The following SLC39A8 variants were observed in gnomAD, a reference collection of about 807,000 sequenced individuals.
SLC39A8 encodes solute carrier family 39 member 8, also known as metal cation symporter ZIP8.
In SLC39A8, 15 loss-of-function variants were observed where a neutral mutation model predicts 40.4. The observed-to-expected ratio is 0.37, with a 90% CI of 0.25 to 0.57. SLC39A8 has a LOEUF of 0.57. Ranked by LOEUF, SLC39A8 falls within the 20% of genes least tolerant of loss-of-function variation. SLC39A8 has a pLI of 0.75. For synonymous variants in SLC39A8, 223 were observed against 221.6 expected (o/e 1.01, Z -0.06); for missense variants, 472 against 558.8 (o/e 0.84, Z 1.57).
chr4:102,321,342 G>A (rs899905263), intron 2 of SLC39A8, among the ~76,000 whole-genome samples: 1 of 152,104 alleles, frequency 6.6e-6, no homozygotes, highest in Non-Finnish European at 1.5e-5. Context: ...TAAAAGGGAG[G>A]GTCCTCGGAG....
At chr4:102,310,446 G>A (rs1560553939) in intron 3 of SLC39A8, among the ~76,000 whole-genome samples, 1 of 152,104 alleles carries the variant, frequency 6.6e-6, no homozygotes, top group South Asian at 2.1e-4. Flanking sequence ...AATTGTCCAC[G>A]AAAAAGCACA....
rs568801358 is a variant in SLC39A8, at chr4:102,293,524, G to A, written c.840+10793C>T. Among the ~76,000 whole-genome samples, 4 of 152,106 alleles carry A rather than the reference G, an allele frequency of 2.6e-5. No individual in the cohort carries two copies. The East Asian group carries it at 7.7e-4, about 29-fold the overall frequency. On this transcript the variant is annotated intron_variant, in intron 6 of 8. Transcript: ENST00000356736. Reference sequence around the variant, plus strand: ...AATACTGGGAGAATTCAGCACTACTGCAGGACGCAAAACCAGTGTACTAAA... The same window carrying A: ...AATACTGGGAGAATTCAGCACTACTACAGGACGCAAAACCAGTGTACTAAA...
intron 3 of SLC39A8, among the ~76,000 whole-genome samples, chr4:102,312,515 G>A (rs62327955): frequency 1.8e-4 from 28 of 152,038 alleles, no homozygotes; most frequent in African/African-American, 2.4e-5. Context: ...GTCAACTGGG[G>A]TTTAAAAATT....
Position 102,315,824 on chromosome 4 carries a change from T to A in SLC39A8, c.226A>T (p.Thr76Ser). The A allele has an allele frequency of 6.2e-7, 1 of 1,607,204 alleles. No individual in the cohort carries two copies. Among genetic ancestry groups the A allele is most frequent in the Non-Finnish European group, 8.5e-7 (1 of 1,177,466 alleles). Residue 76 changes from threonine (T) to serine (S), a missense_variant, in exon 3 of 9, where the codon ACT becomes TCT. This residue lies in a region of SLC39A8 where 175 missense variants were observed against 160.5 expected (regional missense o/e 1.09). Transcript: ENST00000356736. ...TGAAGGGAAAAGATCTCTTCAGCAG[T>A]TAAACACTGAAATAGAATAAACAAA... ...PGQLHFNQCL[T>S]AEEIFSLHGF...
intron 2 of SLC39A8, among the ~76,000 whole-genome samples, chr4:102,335,699 A>G (rs1735636776): frequency 6.6e-6 from 1 of 152,152 alleles, no homozygotes. Context: ...GAAGTACTCA[A>G]ATTATTTTAT....
At chr4:102,277,772 T>A (rs233829) in intron 6 of SLC39A8, among the ~76,000 whole-genome samples, 3 of 151,990 alleles carry the variant, frequency 2.0e-5, no homozygotes, top group African/African-American at 7.3e-5. Flanking sequence ...AGCATAGTAC[T>A]GGTACCAAAA....
intron 8 of SLC39A8, among the ~76,000 whole-genome samples, chr4:102,265,624 T>C (rs1480403837): frequency 1.3e-5 from 2 of 152,138 alleles, no homozygotes; most frequent in Admixed American, 1.3e-4. Context: ...ATCAAAGCAA[T>C]GTGCAATAAA....
intron 6 of SLC39A8, among the ~76,000 whole-genome samples, chr4:102,288,974 T>C (rs1733304189): frequency 6.6e-6 from 1 of 152,156 alleles, no homozygotes; most frequent in Non-Finnish European, 1.5e-5. Flanking sequence ...CACCAAATTT[T>C]CAATGTTGGT....
downstream of SLC39A8, among the ~76,000 whole-genome samples, chr4:102,259,088 G>T (rs886432989): frequency 6.6e-6 from 1 of 152,140 alleles, no homozygotes; most frequent in South Asian, 2.1e-4. Context: ...GACACCACCC[G>T]CAGTGTCTGT....
intron 6 of SLC39A8, among the ~76,000 whole-genome samples, chr4:102,275,281 AAAAAACAAAAAC>A (rs61708966): frequency 6.7e-5 from 10 of 149,828 alleles, no homozygotes; most frequent in South Asian, 2.1e-4. Flanking sequence ...TGGAAAGCAA[AAAAAACAAAAAC>A]AAAAACAAAA....
At chr4:102,266,021 G>C (rs1430876735) in intron 8 of SLC39A8, among the ~76,000 whole-genome samples, 1 of 152,098 alleles carries the variant, frequency 6.6e-6, no homozygotes, top group African/African-American at 2.4e-5. Context: ...GCTAATCCTA[G>C]TTTATTCTAG....
intron 4 of SLC39A8, 75 bp downstream of exon 4, chr4:102,307,361 G>C: frequency 6.6e-7 from 1 of 1,523,130 alleles, no homozygotes; most frequent in Non-Finnish European, 9.0e-7. Flanking sequence ...GAATTATGGA[G>C]GCTAAAAACA....
intron 3 of SLC39A8, 50 bp downstream of exon 3, chr4:102,315,618 A>G (rs1422056647): frequency 6.7e-7 from 1 of 1,494,770 alleles, no homozygotes; most frequent in South Asian, 1.4e-5. Context: ...TTCATTTCAC[A>G]ATGGTTCATA....
In SLC39A8 at chr4:102,344,632, G is replaced by A; in HGVS notation, c.31C>T (p.Leu11=). 1 of 1,538,942 alleles carries A rather than the reference G, an allele frequency of 6.5e-7. No homozygotes were observed. Among genetic ancestry groups the A allele is most frequent in the Non-Finnish European group, 8.7e-7 (1 of 1,143,084 alleles). Residue 11 remains leucine (L), a synonymous_variant, in exon 2 of 9, where the codon CTG becomes TTG. Coordinates refer to ENST00000356736, the MANE Select transcript of SLC39A8 (RefSeq NM_001135146.2). The part of the protein sequence containing the change: MAPGRAVAGL[L]LLAAAGLGGV... ...CCGAGGCCGGCGGCCGCCAGCAACAGGAGCCCGGCCACCGCGCGACCCGGG... is the reference window on the plus strand; with the variant it reads ...CCGAGGCCGGCGGCCGCCAGCAACAAGAGCCCGGCCACCGCGCGACCCGGG...
chr4:102,307,388 G>C (rs1462947), intron 4 of SLC39A8, 48 bp downstream of exon 4: 3 of 1,594,782 alleles, frequency 1.9e-6, no homozygotes, highest in Non-Finnish European at 2.6e-6. Context: ...GTGCTAAAAC[G>C]TTCAAAAGAA....
intron 6 of SLC39A8, among the ~76,000 whole-genome samples, chr4:102,303,932 G>T (rs542588194): frequency 6.6e-6 from 1 of 151,936 alleles, no homozygotes; most frequent in Non-Finnish European, 1.5e-5. Flanking sequence ...TTAATAATTT[G>T]CAAATCTTCT....
At chr4:102,252,858 G>A (rs190178) in exon 12 of SLC39A8, 82,835 of 151,024 alleles carry the variant, frequency 0.55, 22,975 homozygotes, top group Middle Eastern at 0.63. Context: ...GTGTGCACAG[G>A]ATTGGTTCCT....
intron 6 of SLC39A8, among the ~76,000 whole-genome samples, chr4:102,289,127 C>G (rs1733310787): frequency 6.6e-6 from 1 of 152,062 alleles, no homozygotes; most frequent in Non-Finnish European, 1.5e-5. Flanking sequence ...AAGTTGAGAC[C>G]AATGATCATT....
intron 6 of SLC39A8, among the ~76,000 whole-genome samples, chr4:102,284,107 T>C (rs1733040376): frequency 6.6e-6 from 1 of 152,248 alleles, no homozygotes; most frequent in South Asian, 2.1e-4. Flanking sequence ...TTTATTTTTG[T>C]ATTTTATGTG....
Sources: allele counts gnomAD v4.1 joint callset (sites outside exome capture counted in the v4.1 genomes callset), GRCh38; gene constraint gnomAD v4.1.1; regional missense constraint gnomAD v4.1.1; transcripts MANE v1.5; gene names NCBI Gene and HGNC (gene_info 2026-07-23, HGNC 2026-07-21).